Variants in THSD7A observed in about 807,000 individuals in gnomAD.
The protein encoded by THSD7A is thrombospondin type 1 domain containing 7A, also known as thrombospondin type-1 domain-containing protein 7A.
Under a neutral mutation model 231.3 loss-of-function variants are expected in THSD7A, and 96 were observed. The ratio of observed to expected loss-of-function variants is 0.41; its 90% CI spans 0.35 to 0.49. The LOEUF is 0.49. Among genes scored for constraint, THSD7A ranks in the 20% least tolerant of loss-of-function variants. THSD7A has a pLI of 0.05. For synonymous variants in THSD7A, 940 were observed against 743.3 expected (o/e 1.26, Z -4.30); for missense variants, 2,290 against 2,070.2 (o/e 1.11, Z -2.06).
intron 16 of THSD7A, 110 bp from the exon 17 acceptor site, chr7:11,417,713 A>G: frequency 9.1e-7 from 1 of 1,098,732 alleles, no homozygotes; most frequent in Non-Finnish European, 1.3e-6. Flanking sequence ...TCCTTAAGAC[A>G]TCGTTATGGG....
intron 1 of THSD7A, among the ~76,000 whole-genome samples, chr7:11,746,054 A>T (rs996775063): frequency 2.0e-5 from 3 of 151,980 alleles, no homozygotes; most frequent in Admixed American, 6.6e-5. Flanking sequence ...CATTTTTATG[A>T]TATTGATTCT....
In THSD7A at chr7:11,689,706, A is replaced by G. The variant is rs909900979; in HGVS notation, c.191-52745T>C. Among the ~76,000 whole-genome samples the G allele has an allele frequency of 4.0e-5, 6 of 151,544 alleles. 1 individual carries two copies. Among genetic ancestry groups the G allele is most frequent in the Non-Finnish European group, 8.8e-5 (6 of 67,802 alleles). On this transcript the variant is annotated intron_variant, in intron 1 of 27. Transcript: ENST00000423059. ...AAGTTAACCTATGATTTCAAAAAAT[A>G]TAAGAGTTCAGATCTTTAGCTATCC... is the stretch of plus-strand genomic sequence containing the variant.
Position 11,568,969 on chromosome 7 carries a change from C to G in THSD7A, c.1453+21491G>C, listed in dbSNP as rs182368643. Among the ~76,000 whole-genome samples, 587 of 137,394 alleles carry G rather than the reference C, an allele frequency of 4.3e-3. 3 individuals carry two copies. Among genetic ancestry groups the G allele is most frequent in the Non-Finnish European group, 7.2e-3 (473 of 65,380 alleles). 90.1% of individuals were successfully genotyped at this position (137,394 alleles called of 152,430 possible). A position where few individuals can be genotyped will look rare whatever the true frequency, so the allele number is the denominator to read the frequency against. On this transcript the variant is annotated intron_variant, in intron 4 of 27. Transcript: ENST00000423059. The stretch of plus-strand genomic sequence containing the variant: ...TTGAAAAAGAAATCAAGAAAGCAAT[C>G]CCGTTTACAATAGCTACAAAAAAAA...
intron 1 of THSD7A, among the ~76,000 whole-genome samples, chr7:11,744,114 T>G (rs1043801267): frequency 6.6e-6 from 1 of 151,886 alleles, no homozygotes; most frequent in African/African-American, 2.4e-5. Context: ...TACAGGCCTT[T>G]TATGATTTTT....
intron 23 of THSD7A, among the ~76,000 whole-genome samples, chr7:11,391,593 G>T (rs1229361198): frequency 7.7e-6 from 1 of 129,572 alleles, no homozygotes; most frequent in Non-Finnish European, 1.5e-5. Flanking sequence ...CCTTTCCAGG[G>T]CAGTGAATGG....
intron 4 of THSD7A, among the ~76,000 whole-genome samples, chr7:11,567,423 A>C (rs971014648): frequency 9.9e-5 from 15 of 152,266 alleles, no homozygotes; most frequent in Non-Finnish European, 1.5e-4. Flanking sequence ...CTTCCTTCAT[A>C]TATGGAGATT....
intron 6 of THSD7A, among the ~76,000 whole-genome samples, chr7:11,498,007 A>C (rs1787174475): frequency 6.6e-6 from 1 of 152,130 alleles, no homozygotes; most frequent in Admixed American, 6.6e-5. Flanking sequence ...CAATATAGCT[A>C]TGTGGAGTCT....
chr7:11,674,719 G>T (rs187122374), intron 1 of THSD7A, among the ~76,000 whole-genome samples: 3 of 152,248 alleles, frequency 2.0e-5, no homozygotes, highest in Non-Finnish European at 2.9e-5. Context: ...CAGGTGAGAA[G>T]GAATCAGTGC....
intron 1 of THSD7A, among the ~76,000 whole-genome samples, chr7:11,670,450 A>G (rs780733497): frequency 2.0e-5 from 3 of 152,248 alleles, no homozygotes; most frequent in African/African-American, 7.2e-5. Context: ...TACATAAAGC[A>G]GTAGAATATT....
chr7:11,525,409 T>A (rs1788430604), intron 6 of THSD7A, among the ~76,000 whole-genome samples: 1 of 152,228 alleles, frequency 6.6e-6, no homozygotes, highest in South Asian at 2.1e-4. Flanking sequence ...GAACAATTAG[T>A]AATTCATCAC....
intron 23 of THSD7A, among the ~76,000 whole-genome samples, chr7:11,395,185 A>AAAAC (rs1216407903): frequency 3.9e-5 from 6 of 152,100 alleles, no homozygotes; most frequent in African/African-American, 1.4e-4. Flanking sequence ...AGTCTCTGAT[A>AAAAC]AAACAGACTT....
At chr7:11,622,565 A>G (rs750060920) in intron 2 of THSD7A, among the ~76,000 whole-genome samples, 1 of 152,102 alleles carries the variant, frequency 6.6e-6, no homozygotes, top group Admixed American at 6.6e-5. Context: ...ATGTCATATC[A>G]GTTGTGTAAA....
intron 19 of THSD7A, chr7:11,410,527 T>A (rs1280332943): frequency 6.6e-6 from 1 of 152,220 alleles, no homozygotes; most frequent in Non-Finnish European, 1.5e-5. Context: ...TTGTCATGTT[T>A]TTGGTATGGA....
In THSD7A at chr7:11,649,246, T is replaced by C. The variant is rs188796442; in HGVS notation, c.191-12285A>G. 4.2e-3 allele frequency among the ~76,000 whole-genome samples: 640 copies of C among 152,118 alleles called. 3 individuals carry two copies. Among genetic ancestry groups the C allele is most frequent in the African/African-American group, 0.015 (607 of 41,514 alleles). ...CCATGTGAGTGACCCATGATCTTCT[T>C]GGAAGCAGATCTTTTGGCACCAGTT... On this transcript the variant is annotated intron_variant, in intron 1 of 27. Coordinates refer to ENST00000423059, the MANE Select transcript of THSD7A (RefSeq NM_015204.3).
chr7:11,784,778 G>A (rs1230949386), intron 1 of THSD7A, among the ~76,000 whole-genome samples: 1 of 151,988 alleles, frequency 6.6e-6, no homozygotes, highest in Non-Finnish European at 1.5e-5. Context: ...TCTTAGTCAT[G>A]GGAAATTTTT....
At chr7:11,763,734 T>TAGCAA (rs1782937691) in intron 1 of THSD7A, among the ~76,000 whole-genome samples, 1 of 152,168 alleles carries the variant, frequency 6.6e-6, no homozygotes, top group Non-Finnish European at 1.5e-5. Context: ...TTGTAGCTGG[T>TAGCAA]TATTAAATAC....
intron 2 of THSD7A, among the ~76,000 whole-genome samples, chr7:11,620,881 T>G (rs1317874826): frequency 6.6e-6 from 1 of 152,192 alleles, no homozygotes; most frequent in African/African-American, 2.4e-5. Flanking sequence ...CACTATGGAC[T>G]ATTCAGCTCT....
At chr7:11,805,143 A>G (rs527833788) in intron 1 of THSD7A, among the ~76,000 whole-genome samples, 1 of 152,192 alleles carries the variant, frequency 6.6e-6, no homozygotes, top group African/African-American at 2.4e-5. Flanking sequence ...TTTGGTCCAT[A>G]CATCCAAACT....
chr7:11,597,737 T>C (rs963577321), intron 2 of THSD7A, among the ~76,000 whole-genome samples: 10 of 152,200 alleles, frequency 6.6e-5, no homozygotes, highest in Non-Finnish European at 1.3e-4. Flanking sequence ...TACTGGGTGC[T>C]TTCTGACCCA....
Sources: allele counts gnomAD v4.1 joint callset (sites outside exome capture counted in the v4.1 genomes callset), GRCh38; gene constraint gnomAD v4.1.1; transcripts MANE v1.5; gene names NCBI Gene and HGNC (gene_info 2026-07-23, HGNC 2026-07-21).